Variants in TSKS observed in about 807,000 individuals in gnomAD.
TSKS encodes the protein testis-specific serine kinase substrate.
A neutral mutation model predicts 68.0 loss-of-function variants in TSKS; 27 were observed. That is an observed-to-expected ratio of 0.40 (90% CI 0.29 to 0.55). The LOEUF (loss-of-function observed/expected upper bound fraction) is 0.55, where lower values mean the gene tolerates loss of function less well. TSKS is among the 20% of genes least tolerant of loss of function. The pLI is 0.53. For missense variants in TSKS, 806 were observed against 776.0 expected, an observed-to-expected ratio of 1.04 and a Z score of -0.46; for synonymous variants, 331 against 340.4, an observed-to-expected ratio of 0.97 and a Z score of 0.30.
At chr19:49,746,415 C>A in intron 6 of TSKS, 55 bp downstream of exon 6, 3 of 1,600,890 alleles carry the variant, frequency 1.9e-6, no homozygotes, top group Non-Finnish European at 2.6e-6. Flanking sequence ...CGAGGCTCCA[C>A]CCCTGAGTCC....
At chr19:49,742,280 CT>C (rs2084258787) in intron 8 of TSKS, among the ~76,000 whole-genome samples, 1 of 152,008 alleles carries the variant, frequency 6.6e-6, no homozygotes, top group Admixed American at 6.6e-5. Flanking sequence ...TCACTGCAAC[CT>C]TCACCTACCG....
At position 49,746,488 on chromosome 19, in the gene TSKS, G is replaced by C; in HGVS notation, c.974C>G (p.Thr325Ser). The part of the protein sequence containing the change: ...VSEQELQKLF[T>S]GIEELRREVS... The stretch of plus-strand genomic sequence containing the variant: ...CGCCCACCTCAGCTCTTCGATGCCG[G>C]TGAACAGCTTCTGCAATTCCTGCTC... Residue 325 changes from threonine to serine, a missense_variant, in exon 6 of 11, where the codon ACC becomes AGC. Coordinates refer to ENST00000246801, the MANE Select transcript of TSKS (RefSeq NM_021733.2). 1 of 1,613,988 alleles carries C rather than the reference G, an allele frequency of 6.2e-7. No individual in the cohort carries two copies. Among genetic ancestry groups the C allele is most frequent in the Middle Eastern group, 1.6e-4 (1 of 6,062 alleles).
Position 49,756,041 on chromosome 19 carries a change from T to C in TSKS, c.399+5963A>G, listed in dbSNP as rs558371501. On this transcript the variant is annotated intron_variant, in intron 2 of 10. Coordinates refer to ENST00000246801, the MANE Select transcript of TSKS (RefSeq NM_021733.2). The stretch of plus-strand genomic sequence containing the variant: ...AAAGAAAGAAAACCACAGACCAATA[T>C]CCTTTATGAATATGGTCACAAAAAT... Among the ~76,000 whole-genome samples, 3 of 151,944 alleles carry C rather than the reference T, an allele frequency of 2.0e-5. No homozygotes were observed. The East Asian group carries it at 5.8e-4, about 29-fold the overall frequency.
chr19:49,753,092 C>T (rs192256400), intron 2 of TSKS, among the ~76,000 whole-genome samples: 2 of 152,206 alleles, frequency 1.3e-5, no homozygotes, highest in African/African-American at 2.4e-5. Context: ...ACAAAGAACA[C>T]AGATATTACA....
chr19:49,748,404 G>T lies in TSKS; in HGVS notation c.465C>A (p.Asn155Lys), dbSNP rs1251302333. The change falls in exon 3 of 11, where the codon AAC becomes AAA. Residue 155 changes from asparagine to lysine, a missense_variant. Asn to Lys is a moderately conservative substitution (Grantham distance 94). Coordinates refer to ENST00000246801, the MANE Select transcript of TSKS (RefSeq NM_021733.2). ...GAGACTGCACGTGCTGGTTAACCCG[G>T]TTGGTCTTTTCCTTCAAGCTGGTGA... ...DSITSLKEKT[N>K]RVNQHVQSLQ... 1.9e-6 allele frequency: 3 copies of T among 1,614,100 alleles called. No homozygotes were observed. The African/African-American group carries it at 4.0e-5, about 22-fold the overall frequency.
chr19:49,747,297 C>G, intron 5 of TSKS, 92 bp downstream of exon 5: 1 of 1,605,200 alleles, frequency 6.2e-7, no homozygotes, highest in African/African-American at 1.3e-5. Context: ...GTGGTGGTGT[C>G]GGGGCAGGGA....
intron 1 of TSKS, among the ~76,000 whole-genome samples, chr19:49,762,437 T>A (rs2084451078): frequency 6.7e-6 from 1 of 150,256 alleles, no homozygotes; most frequent in South Asian, 2.1e-4. Context: ...TTTTTTTTTT[T>A]TTTTGAGACA....
chr19:49,762,754 C>T (rs549405560), intron 1 of TSKS, among the ~76,000 whole-genome samples: 3 of 152,224 alleles, frequency 2.0e-5, no homozygotes, highest in South Asian at 4.1e-4. Flanking sequence ...TCTTCTCCTT[C>T]CCCGCTGCCT....
intron 2 of TSKS, among the ~76,000 whole-genome samples, chr19:49,751,899 C>CAAAA (rs61310693): frequency 1.7e-3 from 72 of 41,538 alleles, no homozygotes; most frequent in African/African-American, 2.7e-3. Flanking sequence ...CCCAACTCTA[C>CAAAA]AAAAAAAAAA....
Position 49,762,140 on chromosome 19 carries a change from G to A in TSKS, c.263C>T (p.Ala88Val), listed in dbSNP as rs764051229. 4 of 1,614,010 alleles carry A rather than the reference G, an allele frequency of 2.5e-6. No homozygotes were observed. The Admixed American group carries it at 6.7e-5, about 27-fold the overall frequency. Residue 88 changes from alanine (A) to valine (V), a missense_variant, in exon 2 of 11, where the codon GCC (alanine) becomes GTC (valine). By Grantham distance (64) the Ala-to-Val change is moderately conservative. Coordinates refer to ENST00000246801, the MANE Select transcript of TSKS (RefSeq NM_021733.2). Reference sequence around the variant, plus strand: ...CGTGGAGTCAGTGGGCTCCATGGCGGCCAGGTTGAGCAGTGACACGTTGGT... The same window carrying A: ...CGTGGAGTCAGTGGGCTCCATGGCGACCAGGTTGAGCAGTGACACGTTGGT... The part of the protein sequence containing the change: ...ACTNVSLLNL[A>V]AMEPTDSTGT...
At chr19:49,753,254 A>G (rs1321041419) in intron 2 of TSKS, among the ~76,000 whole-genome samples, 2 of 152,080 alleles carry the variant, frequency 1.3e-5, no homozygotes, top group Non-Finnish European at 2.9e-5. Flanking sequence ...AGTAAAACCT[A>G]ATCCCTTAAA....
chr19:49,762,584 A>T (rs1453733046), intron 1 of TSKS, among the ~76,000 whole-genome samples: 1 of 151,646 alleles, frequency 6.6e-6, no homozygotes, highest in Non-Finnish European at 1.5e-5. Flanking sequence ...ATGTGCCATC[A>T]CGCCCAGCTA....
At position 49,739,900 on chromosome 19, in the gene TSKS, A is replaced by G. The variant is rs1362817255; in HGVS notation, c.1655T>C (p.Leu552Ser). The change falls in exon 11 of 11, where the codon TTG (leucine) becomes TCG (serine). Residue 552 changes from leucine (L) to serine (S), a missense_variant. Leu to Ser is a moderately radical substitution (Grantham distance 145). Coordinates refer to ENST00000246801, the MANE Select transcript of TSKS (RefSeq NM_021733.2). ...ATGATCGTGGAGGGAGCACATCTTCAAGTGTAGATGGTCCAGAGTGGCCAT... is the reference window on the plus strand; with the variant it reads ...ATGATCGTGGAGGGAGCACATCTTCGAGTGTAGATGGTCCAGAGTGGCCAT... ...EKMATLDHLH[L>S]KMCSLHDHLS... is the part of the protein sequence containing the mutation. The G allele has an allele frequency of 6.2e-7, 1 of 1,613,798 alleles. No homozygotes were observed. Among genetic ancestry groups the G allele is most frequent in the Non-Finnish European group, 8.5e-7 (1 of 1,179,886 alleles).
At chr19:49,759,171 A>T (rs1321530910) in intron 2 of TSKS, among the ~76,000 whole-genome samples, 9 of 150,762 alleles carry the variant, frequency 6.0e-5, no homozygotes, top group African/African-American at 1.2e-4. Context: ...ATATTTTTTT[A>T]AAAAATTAGC....
intron 2 of TSKS, among the ~76,000 whole-genome samples, chr19:49,760,020 G>A (rs1245267002): frequency 6.6e-6 from 1 of 151,606 alleles, no homozygotes; most frequent in African/African-American, 2.4e-5. Context: ...AGGTGTGGTG[G>A]CGCTCTTGTA....
chr19:49,750,211 GTGTT>G (rs2084337514), intron 2 of TSKS, among the ~76,000 whole-genome samples: 1 of 150,010 alleles, frequency 6.7e-6, no homozygotes, highest in Admixed American at 6.6e-5. Context: ...GTGTTATTTT[GTGTT>G]TTTTTGTTAC....
intron 2 of TSKS, among the ~76,000 whole-genome samples, chr19:49,759,607 G>GCCTGGACTGTCACATGTGCCTGGA: frequency 6.7e-6 from 1 of 148,804 alleles, no homozygotes; most frequent in South Asian, 2.1e-4. Context: ...GGACTGTCAT[G>GCCTGGACTGTCACATGTGCCTGGA]CTGTCACTCC....
chr19:49,746,762 C>T lies in TSKS; in HGVS notation c.700G>A (p.Glu234Lys), dbSNP rs917299661. 6.2e-7 allele frequency: 1 copy of T among 1,601,128 alleles called. No individual in the cohort carries two copies. The highest frequency in any genetic ancestry group is 8.5e-7 in the Non-Finnish European group (1 of 1,179,798). Residue 234 changes from glutamate (E) to lysine (K), a missense_variant, in exon 6 of 11, where the codon GAG becomes AAG. Physicochemically the swap from Glu to Lys is moderately conservative, Grantham distance 56. Coordinates refer to ENST00000246801, the MANE Select transcript of TSKS (RefSeq NM_021733.2). ...LRYLQQQLQDETPRRQEAELQ... is the reference protein window; with the variant it reads ...LRYLQQQLQDKTPRRQEAELQ... Reference sequence around the variant, plus strand: ...TCGGCCTCCTGCCGTCGCGGCGTCTCATCCTGCAGCTGCTGCTGGAGGTAG... The same window carrying T: ...TCGGCCTCCTGCCGTCGCGGCGTCTTATCCTGCAGCTGCTGCTGGAGGTAG...
intron 2 of TSKS, among the ~76,000 whole-genome samples, chr19:49,757,763 G>T (rs2084403998): frequency 6.6e-6 from 1 of 151,566 alleles, no homozygotes; most frequent in Non-Finnish European, 1.5e-5. Flanking sequence ...CTCTCTCTGG[G>T]TCTCTATCCC....
Sources: gnomAD v4.1 joint callset for allele counts (sites outside exome capture counted in the v4.1 genomes callset) on GRCh38, gnomAD v4.1.1 for gene constraint, MANE v1.5 for transcripts, NCBI Gene and HGNC (gene_info 2026-07-23, HGNC 2026-07-21) for gene names.